The following FBN2 variants were observed in gnomAD, a reference collection of about 807,000 sequenced individuals.
The protein encoded by FBN2 is fibrillin 2, also known as fibrillin-2.
A neutral mutation model predicts 355.6 loss-of-function variants in FBN2; 105 were observed. That is an observed-to-expected ratio of 0.30 (90% CI 0.25 to 0.35). The LOEUF (loss-of-function observed/expected upper bound fraction) is 0.35, where lower values mean the gene tolerates loss of function less well. Among genes scored for constraint, FBN2 ranks in the 10% least tolerant of loss-of-function variants. The pLI is 1.00. For missense variants in FBN2, 3,280 were observed against 3,758.7 expected (o/e 0.87, Z 3.33); for synonymous variants, 1,350 against 1,301.2 (o/e 1.04, Z -0.81).
At chr5:128,473,784 G>A (rs1382056606) in intron 5 of FBN2, among the ~76,000 whole-genome samples, 3 of 152,170 alleles carry the variant, frequency 2.0e-5, no homozygotes, top group Non-Finnish European at 4.4e-5. Flanking sequence ...CCATCTAGCC[G>A]TGTTACACCA....
Position 128,290,786 on chromosome 5 carries a change from T to A in FBN2, c.6391A>T (p.Met2131Leu), listed in dbSNP as rs1749300080. Residue 2131 changes from methionine (M) to leucine (L), a missense_variant, in exon 50 of 65, where the codon ATG (methionine) becomes TTG (leucine). Coordinates refer to ENST00000262464, the MANE Select transcript of FBN2 (RefSeq NM_001999.4). ...GGGTCCCCCCAGCCCTCTCCTGGCA[T>A]CTTACTACAGCAGCATTTTGCTTTT... ...TTKAKCCCSKMPGEGWGDPCE... is the reference protein window; with the variant it reads ...TTKAKCCCSKLPGEGWGDPCE... The A allele has an allele frequency of 6.2e-7, 1 of 1,614,080 alleles. No individual in the cohort carries two copies. Among genetic ancestry groups the A allele is most frequent in the Non-Finnish European group, 8.5e-7 (1 of 1,180,004 alleles).
At position 128,335,435 on chromosome 5, in the gene FBN2, GTGTGTTT is replaced by G; in HGVS notation, c.3847+13_3847+19del. The G allele has an allele frequency of 6.2e-7, 1 of 1,614,038 alleles. No homozygotes were observed. The highest frequency in any genetic ancestry group is 8.5e-7 in the Non-Finnish European group (1 of 1,179,896). Reference sequence around the variant, plus strand: ...AAAATTAGTTAGATGTACAAAACCTGTGTGTTTTCCTTTCTATACCTGCACACGATCT... The same window carrying G: ...AAAATTAGTTAGATGTACAAAACCTGTCCTTTCTATACCTGCACACGATCT... On this transcript the variant is annotated intron_variant, in intron 29 of 64. Coordinates refer to ENST00000262464, the MANE Select transcript of FBN2 (RefSeq NM_001999.4).
intron 5 of FBN2, among the ~76,000 whole-genome samples, chr5:128,486,292 G>GCCACT (rs1182466431): frequency 6.6e-6 from 1 of 152,054 alleles, no homozygotes; most frequent in African/African-American, 2.4e-5. Context: ...GACATCCCAT[G>GCCACT]CCACTGTACC....
chr5:128,359,534 A>G (rs1179631773), intron 19 of FBN2, among the ~76,000 whole-genome samples: 1 of 152,096 alleles, frequency 6.6e-6, no homozygotes, highest in Non-Finnish European at 1.5e-5. Context: ...CCCATGATAA[A>G]TCATTTTTAT....
intron 48 of FBN2, among the ~76,000 whole-genome samples, chr5:128,293,039 C>G (rs1749372671): frequency 6.6e-6 from 1 of 152,106 alleles, no homozygotes; most frequent in African/African-American, 2.4e-5. Flanking sequence ...TTTCTAGCAC[C>G]TAGAAAGGTG....
intron 7 of FBN2, among the ~76,000 whole-genome samples, chr5:128,411,110 T>C (rs1753050748): frequency 6.6e-6 from 1 of 152,164 alleles, no homozygotes; most frequent in South Asian, 2.1e-4. Flanking sequence ...GCTCAAACCC[T>C]TTGCTGGAGG....
chr5:128,448,852 TA>T (rs1364519463), intron 6 of FBN2, among the ~76,000 whole-genome samples: 1 of 152,168 alleles, frequency 6.6e-6, no homozygotes, highest in African/African-American at 2.4e-5. Flanking sequence ...CCTCTTACTC[TA>T]AATTTAAAAT....
At chr5:128,331,921 C>G (rs467610) in intron 32 of FBN2, among the ~76,000 whole-genome samples, 1 of 151,814 alleles carries the variant, frequency 6.6e-6, no homozygotes, top group East Asian at 1.9e-4. Flanking sequence ...CATGGGGCTA[C>G]GAAAATGGGA....
intron 6 of FBN2, among the ~76,000 whole-genome samples, chr5:128,462,705 T>C (rs965379826): frequency 6.6e-6 from 1 of 152,142 alleles, no homozygotes; most frequent in Non-Finnish European, 1.5e-5. Flanking sequence ...GGAAAAAAAC[T>C]AGGCCTCTGA....
intron 5 of FBN2, among the ~76,000 whole-genome samples, chr5:128,516,835 G>T (rs1392125048): frequency 6.6e-6 from 1 of 151,928 alleles, no homozygotes; most frequent in Non-Finnish European, 1.5e-5. Flanking sequence ...AAAAAATTAT[G>T]AACTTCATTT....
At chr5:128,457,427 C>A (rs1353331086) in intron 6 of FBN2, among the ~76,000 whole-genome samples, 2 of 152,096 alleles carry the variant, frequency 1.3e-5, no homozygotes, top group South Asian at 4.1e-4. Flanking sequence ...GACAGGCCAA[C>A]AGGCAAATTC....
chr5:128,297,423 T>C (rs1749555415), intron 48 of FBN2, among the ~76,000 whole-genome samples: 3 of 152,296 alleles, frequency 2.0e-5, no homozygotes, highest in Admixed American at 2.0e-4. Flanking sequence ...ATCTGTCTAA[T>C]GTTGACAGTG....
At chr5:128,389,127 T>C (rs1200191110) in intron 11 of FBN2, among the ~76,000 whole-genome samples, 1 of 152,248 alleles carries the variant, frequency 6.6e-6, no homozygotes, top group Non-Finnish European at 1.5e-5. Flanking sequence ...ACTATTTTGC[T>C]GTTAATATTT....
chr5:128,477,508 C>A (rs1238967526), intron 5 of FBN2, among the ~76,000 whole-genome samples: 1 of 152,100 alleles, frequency 6.6e-6, no homozygotes, highest in Non-Finnish European at 1.5e-5. Context: ...ATAATGACTT[C>A]TTTTATTATT....
intron 62 of FBN2, among the ~76,000 whole-genome samples, chr5:128,269,837 C>G (rs1581176980): frequency 6.6e-6 from 1 of 151,550 alleles, no homozygotes; most frequent in Non-Finnish European, 1.5e-5. Context: ...CTATTCCCAT[C>G]AAACTACCAT....
At chr5:128,434,734 A>G (rs531333450) in intron 7 of FBN2, among the ~76,000 whole-genome samples, 3 of 152,156 alleles carry the variant, frequency 2.0e-5, no homozygotes, top group Admixed American at 1.3e-4. Context: ...TCATTCTACT[A>G]TGAAATGGCT....
chr5:128,262,524 C>T lies in FBN2; in HGVS notation c.8193-617G>A, dbSNP rs114701530. 2.6e-3 allele frequency among the ~76,000 whole-genome samples: 399 copies of T among 152,282 alleles called. 3 individuals are homozygous for T. The highest frequency in any genetic ancestry group is 9.1e-3 in the African/African-American group (378 of 41,564). ...AAGGTATGAATTTCCAAAGAGAATG[C>T]TAAGACAGGTTCCATTGTTTCAGGG... is the stretch of plus-strand genomic sequence containing the variant. On this transcript the variant is annotated intron_variant, in intron 63 of 64. Transcript: ENST00000262464.
intron 5 of FBN2, among the ~76,000 whole-genome samples, chr5:128,492,762 C>A (rs571876339): frequency 5.4e-5 from 7 of 130,522 alleles, no homozygotes; most frequent in African/African-American, 2.1e-4. Context: ...AAGATCGTGC[C>A]ACTGCACTCC....
At chr5:128,391,712 T>C (rs1752516258) in intron 11 of FBN2, among the ~76,000 whole-genome samples, 2 of 152,186 alleles carry the variant, frequency 1.3e-5, no homozygotes, top group African/African-American at 2.4e-5. Context: ...AATATATTCA[T>C]TGTTACATAG....
Sources: allele counts gnomAD v4.1 joint callset (sites outside exome capture counted in the v4.1 genomes callset), GRCh38; gene constraint gnomAD v4.1.1; transcripts MANE v1.5; gene names NCBI Gene and HGNC (gene_info 2026-07-23, HGNC 2026-07-21).